Variants in FAM161A observed in about 807,000 individuals in gnomAD.
FAM161A encodes the protein protein FAM161A.
A neutral mutation model predicts 70.9 loss-of-function variants in FAM161A; 57 were observed. The ratio of observed to expected loss-of-function variants is 0.80; its 90% CI spans 0.65 to 1.00. FAM161A has a LOEUF of 1.00. Ranked by LOEUF, FAM161A falls within the 50% of genes least tolerant of loss-of-function variation. The pLI, the probability that FAM161A is intolerant of heterozygous loss-of-function variation, is 0.00. For missense variants in FAM161A, 880 were observed against 836.0 expected, an observed-to-expected ratio of 1.05 and a Z score of -0.65; for synonymous variants, 299 against 295.7, an observed-to-expected ratio of 1.01 and a Z score of -0.12.
chr2:61,816,646 G>C, the FAM161A span, among the ~76,000 whole-genome samples: 43 of 152,000 alleles, frequency 2.8e-4, no homozygotes, highest in African/African-American at 1.0e-3. Flanking sequence ...TTTTTGTAGA[G>C]ACGGCGGGGC....
intron 1 of FAM161A, among the ~76,000 whole-genome samples, chr2:61,851,391 C>T (rs1324163559): frequency 6.6e-6 from 1 of 151,996 alleles, no homozygotes; most frequent in Non-Finnish European, 1.5e-5. Context: ...GGCTGGAGTG[C>T]AGTTTTTGCA....
rs1028647997 is a variant in FAM161A, at chr2:61,825,261, T to C, written c.*1194A>G. The C allele has an allele frequency of 4.4e-6, 2 of 454,042 alleles. No homozygotes were observed. The highest frequency in any genetic ancestry group is 2.0e-5 in the African/African-American group (1 of 50,028). The allele number at this position is 454,042 out of a possible 1,614,324, so 28.1% of individuals were successfully genotyped here. On this transcript the variant is annotated 3_prime_UTR_variant, in exon 7 of 7. Coordinates refer to ENST00000404929, the MANE Select transcript of FAM161A (RefSeq NM_001201543.2). ...GATTTATAAAATCAGATTAACACTG[T>C]ACACAGAGAGATAAAGTGTGTTGGC...
chr2:61,850,045 C>T lies in FAM161A; in HGVS notation c.183+3814G>A, dbSNP rs547727810. On this transcript the variant is annotated intron_variant, in intron 1 of 6. Transcript: ENST00000404929. Reference sequence around the variant, plus strand: ...GGGTACCATGCTCACTACCTGGATGCAATATACCCATGTAACAAACCTGCA... The same window carrying T: ...GGGTACCATGCTCACTACCTGGATGTAATATACCCATGTAACAAACCTGCA... Among the ~76,000 whole-genome samples the T allele has an allele frequency of 2.3e-3, 357 of 152,130 alleles. 1 individual carries two copies. The highest frequency in any genetic ancestry group is 8.2e-3 in the African/African-American group (341 of 41,510).
the FAM161A span, among the ~76,000 whole-genome samples, chr2:61,808,376 A>G: frequency 1.3e-5 from 2 of 151,666 alleles, no homozygotes; most frequent in African/African-American, 2.4e-5. Context: ...GGGTTCAAGC[A>G]ATTCCGCTGC....
intron 1 of FAM161A, chr2:61,847,052 C>T (rs965864172): frequency 8.2e-6 from 3 of 367,152 alleles, no homozygotes; most frequent in Non-Finnish European, 1.6e-5. Flanking sequence ...ATCCCAGCTA[C>T]TCGGGAGGCT....
At chr2:61,805,474 C>G in the FAM161A span, among the ~76,000 whole-genome samples, 1 of 152,064 alleles carries the variant, frequency 6.6e-6, no homozygotes, top group Non-Finnish European at 1.5e-5. Context: ...CAAGATCATG[C>G]CACTGCACTC....
chr2:61,819,001 A>G, the FAM161A span, among the ~76,000 whole-genome samples: 57,806 of 152,040 alleles, frequency 0.38, 11,629 homozygotes, highest in East Asian at 0.71. Flanking sequence ...ATGTCATACA[A>G]AGTACACAAA....
chr2:61,810,056 C>T, the FAM161A span, among the ~76,000 whole-genome samples: 1 of 152,212 alleles, frequency 6.6e-6, no homozygotes, highest in African/African-American at 2.4e-5. Context: ...GCAAGACCAG[C>T]AGAAAATTTG....
the FAM161A span, among the ~76,000 whole-genome samples, chr2:61,804,794 G>GA: frequency 1.4e-5 from 2 of 138,842 alleles, no homozygotes; most frequent in South Asian, 2.4e-4. Context: ...AAGAAAGAAA[G>GA]AAAGAAAGAA....
Position 61,827,086 on chromosome 2 carries a change from ACAT to A in FAM161A, c.2006+15_2006+17del, listed in dbSNP as rs777474646. 11 of 1,612,352 alleles carry A rather than the reference ACAT, an allele frequency of 6.8e-6. No individual in the cohort carries two copies. The African/African-American group carries it at 1.5e-4, about 22-fold the overall frequency. On this transcript the variant is annotated intron_variant, in intron 6 of 6. Transcript: ENST00000404929. The stretch of plus-strand genomic sequence containing the variant: ...ATTTTTTCAAAGGTAAGCCATTCAG[ACAT>A]CTTATATATGTTACCTTTCTTTGTC...
downstream of FAM161A, among the ~76,000 whole-genome samples, chr2:61,820,880 A>T (rs1478836894): frequency 6.6e-6 from 1 of 152,194 alleles, no homozygotes; most frequent in Non-Finnish European, 1.5e-5. Context: ...AGCCTCATTT[A>T]TATTTTTCTT....
At chr2:61,818,236 A>G in the FAM161A span, among the ~76,000 whole-genome samples, 1 of 152,038 alleles carries the variant, frequency 6.6e-6, no homozygotes, top group Non-Finnish European at 1.5e-5. Flanking sequence ...TTGTATTTTC[A>G]GTAGAGATGG....
the FAM161A span, among the ~76,000 whole-genome samples, chr2:61,800,962 C>T: frequency 1.3e-5 from 2 of 151,958 alleles, no homozygotes; most frequent in Non-Finnish European, 2.9e-5. Flanking sequence ...CACCACCACA[C>T]CCAGCTAATT....
intron 1 of FAM161A, among the ~76,000 whole-genome samples, chr2:61,845,388 T>C (rs1185023068): frequency 6.6e-6 from 1 of 152,144 alleles, no homozygotes; most frequent in African/African-American, 2.4e-5. Flanking sequence ...CTTTCACCTT[T>C]ATAGGGTCAA....
intron 1 of FAM161A, among the ~76,000 whole-genome samples, chr2:61,848,698 G>A (rs1202814395): frequency 7.1e-6 from 1 of 140,234 alleles, no homozygotes; most frequent in Non-Finnish European, 1.6e-5. Context: ...AATTTTTTTC[G>A]CTGAATTTGT....
downstream of FAM161A, among the ~76,000 whole-genome samples, chr2:61,822,430 AATATT>A (rs1672221769): frequency 6.6e-6 from 1 of 152,158 alleles, no homozygotes; most frequent in Non-Finnish European, 1.5e-5. Flanking sequence ...TTGACACCAT[AATATT>A]ATAGTCTAAA....
the FAM161A span, among the ~76,000 whole-genome samples, chr2:61,808,195 A>G: frequency 2.5e-4 from 38 of 152,286 alleles, no homozygotes; most frequent in Non-Finnish European, 3.7e-4. Context: ...AAGTATTTTG[A>G]GGTTTCAGTT....
In FAM161A at chr2:61,842,130, G is replaced by C. The variant is rs760367927; in HGVS notation, c.414C>G (p.Asp138Glu). The C allele has an allele frequency of 1.3e-6, 2 of 1,561,636 alleles. No individual in the cohort carries two copies. The highest frequency in any genetic ancestry group is 2.2e-5 in the South Asian group (2 of 90,082). The stretch of plus-strand genomic sequence containing the variant: ...TTGAGTTACAAGCTTACCTGGAAGA[G>C]TCACTAAGAGAGTCTTCTCTGATGA... The part of the protein sequence containing the change: ...PVVIREDSLS[D>E]SSRSVSEKNS... Residue 138 changes from aspartate to glutamate, a missense_variant, in exon 2 of 7, where the codon GAC becomes GAG. Transcript: ENST00000404929.
Position 61,840,536 on chromosome 2 carries a change from T to C in FAM161A, c.468A>G (p.Thr156=), listed in dbSNP as rs372171263. 2.3e-5 allele frequency: 37 copies of C among 1,613,690 alleles called. No individual in the cohort carries two copies. The highest frequency in any genetic ancestry group is 3.1e-5 in the Non-Finnish European group (36 of 1,179,694). ...GGCCTAAATCAGGCTCTGAAAATGA[T>C]GTCATTAATGAGACAGGGTGATAGG... ...KNSYHPVSLM[T]SFSEPDLGQS... The change falls in exon 3 of 7, where the codon ACA becomes ACG. Residue 156 remains threonine, a synonymous_variant. Coordinates refer to ENST00000404929, the MANE Select transcript of FAM161A (RefSeq NM_001201543.2).
Sources: gnomAD v4.1 joint callset for allele counts (sites outside exome capture counted in the v4.1 genomes callset) on GRCh38, gnomAD v4.1.1 for gene constraint, MANE v1.5 for transcripts, NCBI Gene and HGNC (gene_info 2026-07-23, HGNC 2026-07-21) for gene names.